The following CAMTA2 variants were observed in gnomAD, a reference collection of about 807,000 sequenced individuals.
CAMTA2 encodes calmodulin-binding transcription activator 2.
Under a neutral mutation model 135.7 loss-of-function variants are expected in CAMTA2, and 56 were observed. The ratio of observed to expected loss-of-function variants is 0.41; its 90% CI spans 0.33 to 0.52. The LOEUF is 0.52. CAMTA2 is among the 20% of genes least tolerant of loss of function. The pLI, the probability that CAMTA2 is intolerant of heterozygous loss-of-function variation, is 0.16. For synonymous variants in CAMTA2, 591 were observed against 604.6 expected (o/e 0.98, Z 0.33); for missense variants, 1,358 against 1,553.4 (o/e 0.87, Z 2.11).
In CAMTA2 at chr17:4,972,214, C is replaced by A; in HGVS notation, c.2808+18G>T. 1 of 1,602,342 alleles carries A rather than the reference C, an allele frequency of 6.2e-7. No individual in the cohort carries two copies. Among genetic ancestry groups the A allele is most frequent in the Non-Finnish European group, 8.5e-7 (1 of 1,172,466 alleles). On this transcript the variant is annotated intron_variant, in intron 16 of 22. Transcript: ENST00000348066. ...ACTCCACTTCTAGCCCCCATAACTCCATCAATATAAGCAGTACCGGGATCA... is the reference window on the plus strand; with the variant it reads ...ACTCCACTTCTAGCCCCCATAACTCAATCAATATAAGCAGTACCGGGATCA...
In CAMTA2 at chr17:4,968,384, G is replaced by C. The variant is rs1972040175; in HGVS notation, c.*372C>G. The C allele has an allele frequency of 2.7e-6, 1 of 369,774 alleles. No homozygotes were observed. Among genetic ancestry groups the C allele is most frequent in the Non-Finnish European group, 5.1e-6 (1 of 197,740 alleles). 22.9% of individuals were successfully genotyped at this position (369,774 alleles called of 1,614,324 possible). A position where few individuals can be genotyped will look rare whatever the true frequency, so the allele number is the denominator to read the frequency against. On this transcript the variant is annotated 3_prime_UTR_variant, in exon 23 of 23. Transcript: ENST00000348066. ...GCGTGCGCAGCGAAGGCAGTGGTGG[G>C]AACCGAGGCGGATACATTCAGAGAC...
chr17:4,972,655 T>C, intron 15 of CAMTA2, 114 bp downstream of exon 15: 1 of 1,418,426 alleles, frequency 7.1e-7, no homozygotes, highest in South Asian at 1.2e-5. Context: ...TTATCTCCCA[T>C]CCCTGCCTCT....
At position 4,968,556 on chromosome 17, in the gene CAMTA2, A is replaced by G. The variant is rs1972048000; in HGVS notation, c.*200T>C. 1.6e-6 allele frequency: 1 copy of G among 623,070 alleles called. No homozygotes were observed. Among genetic ancestry groups the G allele is most frequent in the Non-Finnish European group, 2.8e-6 (1 of 354,110 alleles). The allele number at this position is 623,070 out of a possible 1,614,324, so 38.6% of individuals were successfully genotyped here. A position where few individuals can be genotyped will look rare whatever the true frequency, so the allele number is the denominator to read the frequency against. The stretch of plus-strand genomic sequence containing the variant: ...CGCGGGTTTTCTGGAGCCAGGACCA[A>G]AAGAGACGGGGCACGACCAGGAGGG... On this transcript the variant is annotated 3_prime_UTR_variant, in exon 23 of 23. Coordinates refer to ENST00000348066, the MANE Select transcript of CAMTA2 (RefSeq NM_015099.4).
At chr17:4,987,256 G>A (rs554513943) in intron 1 of CAMTA2, 4 of 1,343,060 alleles carry the variant, frequency 3.0e-6, no homozygotes, top group East Asian at 3.1e-5. Flanking sequence ...GCGGAGTGGT[G>A]GTCCCAGGAG....
rs1210820796 is a variant in CAMTA2 at position 4,977,091 on chromosome 17, G to A, written c.1867C>T (p.Pro623Ser). Residue 623 changes from proline to serine, a missense_variant, in exon 11 of 23, where the codon CCT becomes TCT. By Grantham distance (74) the Pro-to-Ser change is moderately conservative. This residue lies in a region of CAMTA2 where 1,077 missense variants were observed against 1,127.5 expected (regional missense o/e 0.96). Coordinates refer to ENST00000348066, the MANE Select transcript of CAMTA2 (RefSeq NM_015099.4). ...EYRARRFLSL[P>S]STQLDWLSLD... is the part of the protein sequence containing the mutation. ...GACAGCCAGTCAAGTTGAGTACTAG[G>A]CAGAGACAGGAATCGGCGGGCTCGA... 1 of 1,614,158 alleles carries A rather than the reference G, an allele frequency of 6.2e-7. No individual in the cohort carries two copies. The highest frequency in any genetic ancestry group is 1.7e-5 in the Admixed American group (1 of 60,020).
rs1162657353 is a variant in CAMTA2, at chr17:4,969,891, C to T, written c.3189+11G>A. 1 of 1,613,302 alleles carries T rather than the reference C, an allele frequency of 6.2e-7. No homozygotes were observed. Among genetic ancestry groups the T allele is most frequent in the Non-Finnish European group, 8.5e-7 (1 of 1,179,446 alleles). The stretch of plus-strand genomic sequence containing the variant: ...GATTGTGTAATTCATCCTGAGACCC[C>T]TGCCCCTGACCTTGTACTTTCGGAA... On this transcript the variant is annotated intron_variant, in intron 18 of 22. Transcript: ENST00000348066. The surrounding 1 kb of genome is among the most constrained non-coding windows in gnomAD (Gnocchi z 5.6).
intron 9 of CAMTA2, 116 bp from the exon 10 acceptor site, chr17:4,978,746 T>G (rs951200478): frequency 1.6e-6 from 2 of 1,216,628 alleles, no homozygotes; most frequent in Admixed American, 2.3e-5. Flanking sequence ...TGCTAGAGTC[T>G]GGGGGTCCAG....
At position 4,980,513 on chromosome 17, in the gene CAMTA2, G is replaced by A; in HGVS notation, c.809C>T (p.Pro270Leu). 6.2e-7 allele frequency: 1 copy of A among 1,612,240 alleles called. No homozygotes were observed. Among genetic ancestry groups the A allele is most frequent in the South Asian group, 1.1e-5 (1 of 91,030 alleles). Residue 270 changes from proline (P) to leucine (L), a missense_variant, in exon 9 of 23, where the codon CCA becomes CTA. Physicochemically the swap from Pro to Leu is moderately conservative, Grantham distance 98. Coordinates refer to ENST00000348066, the MANE Select transcript of CAMTA2 (RefSeq NM_015099.4). This position sits in a 1 kb window ranked among gnomAD's most constrained non-coding sequence, Gnocchi z 5.3. The part of the protein sequence containing the change: ...TLTSIPHAHP[P>L]EPPPLIAPLP... The stretch of plus-strand genomic sequence containing the variant: ...TGGGGCTATCAGTGGAGGAGGCTCT[G>A]GGGGGTGAGCGTGGGGGATAGAGGT...
chr17:4,985,976 G>A lies in CAMTA2; in HGVS notation c.39C>T (p.Ser13=). 1 of 1,612,224 alleles carries A rather than the reference G, an allele frequency of 6.2e-7. No homozygotes were observed. Among genetic ancestry groups the A allele is most frequent in the South Asian group, 1.1e-5 (1 of 91,050 alleles). The part of the protein sequence containing the change: ...TKDTTEVAEN[S]HHLKIFLPKK... The stretch of plus-strand genomic sequence containing the variant: ...TGGGGAGAAAGATCTTCAGGTGGTG[G>A]CTGTTTTCTAAAGGGAATTAGAAGG... The change falls in exon 3 of 23, where the codon AGC becomes AGT. Residue 13 remains serine (S), a synonymous_variant. Coordinates refer to ENST00000348066, the MANE Select transcript of CAMTA2 (RefSeq NM_015099.4).
chr17:4,972,903 C>T lies in CAMTA2; in HGVS notation c.2369G>A (p.Gly790Asp). ...RQALSIPDSL[G>D]RLPLSVAHSR... ...ATGAGCCACAGACAATGGCAGACGGCCCAGAGAGTCGGGAATGCTCAGTGC... is the reference window on the plus strand; with the variant it reads ...ATGAGCCACAGACAATGGCAGACGGTCCAGAGAGTCGGGAATGCTCAGTGC... The change falls in exon 15 of 23, where the codon GGC (glycine) becomes GAC (aspartate). Residue 790 changes from glycine (G) to aspartate (D), a missense_variant. Gly to Asp is a moderately conservative substitution (Grantham distance 94). This residue lies in a region of CAMTA2 where 1,077 missense variants were observed against 1,127.5 expected (regional missense o/e 0.96). Transcript: ENST00000348066. 6.2e-7 allele frequency: 1 copy of T among 1,613,858 alleles called. No individual in the cohort carries two copies. Among genetic ancestry groups the T allele is most frequent in the Middle Eastern group, 1.6e-4 (1 of 6,062 alleles).
At chr17:4,985,812 C>T in intron 3 of CAMTA2, 68 bp downstream of exon 3, 3 of 941,610 alleles carry the variant, frequency 3.2e-6, no homozygotes, top group Non-Finnish European at 5.3e-6. Flanking sequence ...CACGGAAAGA[C>T]CCCCCACTCA....
chr17:4,968,650 G>C lies in CAMTA2; in HGVS notation c.*106C>G. On this transcript the variant is annotated 3_prime_UTR_variant, in exon 23 of 23. Transcript: ENST00000348066. ...AGGCCTACAGAGGGCTCCAACAAAG[G>C]TGAACAGGAAAGCTGCCGACAGGGG... 2 of 1,318,338 alleles carry C rather than the reference G, an allele frequency of 1.5e-6. No individual in the cohort carries two copies. The highest frequency in any genetic ancestry group is 2.1e-6 in the Non-Finnish European group (2 of 930,820). 81.7% of individuals were successfully genotyped at this position (1,318,338 alleles called of 1,614,324 possible).
chr17:4,978,774 T>C (rs969204303), intron 9 of CAMTA2, 144 bp from the exon 10 acceptor site: 11 of 836,234 alleles, frequency 1.3e-5, no homozygotes, highest in Non-Finnish European at 2.0e-5. Context: ...CAGGACCCAG[T>C]GGGGTGAGGT....
Position 4,980,456 on chromosome 17 carries a change from G to A in CAMTA2, c.866C>T (p.Ser289Phe). 1 of 1,613,422 alleles carries A rather than the reference G, an allele frequency of 6.2e-7. No homozygotes were observed. The highest frequency in any genetic ancestry group is 8.5e-7 in the Non-Finnish European group (1 of 1,179,702). Residue 289 changes from serine (S) to phenylalanine (F), a missense_variant, in exon 9 of 23, where the codon TCC becomes TTC. Ser to Phe is a radical substitution (Grantham distance 155, BLOSUM62 -2). Around this residue, in one of 4 missense-constraint regions of CAMTA2, gnomAD observed 1,077 missense variants for 1,127.5 expected, o/e 0.96. Transcript: ENST00000348066. The surrounding 1 kb of genome is among the most constrained non-coding windows in gnomAD (Gnocchi z 5.3). ...GGAGGAAGAAGAGGAAGAAGATGGG[G>A]AGGTGTGTGCCTTGGGGAGCTCTGG... ...LPPELPKAHTSPSSSSSSSSS... is the reference protein window; with the variant it reads ...LPPELPKAHTFPSSSSSSSSS...
chr17:4,981,128 C>T, intron 8 of CAMTA2, 97 bp downstream of exon 8: 1 of 1,425,752 alleles, frequency 7.0e-7, no homozygotes, highest in South Asian at 1.3e-5. Flanking sequence ...ACTTGCAAAT[C>T]AGCATGCAAA....
Position 4,972,943 on chromosome 17 carries a change from G to T in CAMTA2, c.2329C>A (p.Arg777Ser). ...GHLEAAVLLF[R>S]WNRQALSIPD... is the part of the protein sequence containing the mutation. ...ATGCTCAGTGCCTGTCGGTTCCAAC[G>T]GAAAAGGAGCACAGCAGCTTCCAGG... is the stretch of plus-strand genomic sequence containing the variant. Residue 777 changes from arginine to serine, a missense_variant, in exon 15 of 23, where the codon CGT (arginine) becomes AGT (serine). Physicochemically the swap from Arg to Ser is moderately radical, Grantham distance 110 (BLOSUM62 -1). This residue lies in a region of CAMTA2 where 1,077 missense variants were observed against 1,127.5 expected (regional missense o/e 0.96). Coordinates refer to ENST00000348066, the MANE Select transcript of CAMTA2 (RefSeq NM_015099.4). The T allele has an allele frequency of 6.2e-7, 1 of 1,613,692 alleles. No individual in the cohort carries two copies. The highest frequency in any genetic ancestry group is 8.5e-7 in the Non-Finnish European group (1 of 1,179,998).
chr17:4,982,242 C>T (rs572724186), intron 5 of CAMTA2, 82 bp from the exon 6 acceptor site: 756 of 1,004,042 alleles, frequency 7.5e-4, no homozygotes, highest in Non-Finnish European at 1.1e-3. Flanking sequence ...GCAGGAATCC[C>T]AATCTTTCCA....
At position 4,968,694 on chromosome 17, in the gene CAMTA2, G is replaced by A. The variant is rs542442521; in HGVS notation, c.*62C>T. On this transcript the variant is annotated 3_prime_UTR_variant, in exon 23 of 23. Transcript: ENST00000348066. ...ACAGGGGCTCCCCCTGCCCCAGAAAGCCCTCTCCCTGTTAAGACTGCACGA... is the reference window on the plus strand; with the variant it reads ...ACAGGGGCTCCCCCTGCCCCAGAAAACCCTCTCCCTGTTAAGACTGCACGA... The A allele has an allele frequency of 1.3e-6, 2 of 1,598,186 alleles. No individual in the cohort carries two copies. The highest frequency in any genetic ancestry group is 2.2e-5 in the East Asian group (1 of 44,662).
intron 10 of CAMTA2, among the ~76,000 whole-genome samples, chr17:4,977,873 G>T (rs1053902460): frequency 3.9e-5 from 6 of 152,246 alleles, no homozygotes; most frequent in African/African-American, 9.6e-5. Flanking sequence ...GTCTAGACCA[G>T]TGCTGTCCAA....
Sources: gnomAD v4.1 joint callset for allele counts (sites outside exome capture counted in the v4.1 genomes callset) on GRCh38, gnomAD v4.1.1 for gene constraint, gnomAD v4.1.1 regional missense constraint, Gnocchi (gnomAD v3.1) non-coding constraint, MANE v1.5 for transcripts, NCBI Gene and HGNC (gene_info 2026-07-23, HGNC 2026-07-21) for gene names.